DOCK1: variants seen among roughly 807,000 people sequenced by gnomAD.
The protein encoded by DOCK1 is dedicator of cytokinesis 1.
DOCK1 carries 138 observed loss-of-function variants against 262.7 expected under a neutral mutation model. The observed-to-expected ratio is 0.53, with a 90% confidence interval of 0.46 to 0.61. The LOEUF (loss-of-function observed/expected upper bound fraction) is 0.61, where lower values mean the gene tolerates loss of function less well. Ranked by LOEUF, DOCK1 falls within the 20% of genes least tolerant of loss-of-function variation. The pLI, the probability that DOCK1 is intolerant of heterozygous loss-of-function variation, is 0.00. For missense variants in DOCK1, 1,908 were observed against 2,370.7 expected (o/e 0.80, Z 4.05); for synonymous variants, 866 against 867.4 (o/e 1.00, Z 0.03).
chr10:127,353,688 C>A (rs551859725), intron 31 of DOCK1, among the ~76,000 whole-genome samples: 1 of 152,228 alleles, frequency 6.6e-6, no homozygotes, highest in East Asian at 1.9e-4. Context: ...TGGCCTCCCA[C>A]GCACCACAGC....
chr10:127,444,385 G>T (rs2275055), intron 50 of DOCK1, 106 bp downstream of exon 50: 486,939 of 1,346,180 alleles, frequency 0.36, 90,781 homozygotes, highest in East Asian at 0.41. Context: ...TGCAGCAGAG[G>T]GTGGGAGTTT....
chr10:127,092,040 G>A (rs2047566165), intron 23 of DOCK1, among the ~76,000 whole-genome samples: 4 of 152,166 alleles, frequency 2.6e-5, no homozygotes, highest in Admixed American at 2.6e-4. Context: ...ATAAAATACA[G>A]CTAAATGTTC....
intron 29 of DOCK1, among the ~76,000 whole-genome samples, chr10:127,323,324 A>G (rs2062617711): frequency 6.6e-6 from 1 of 152,110 alleles, no homozygotes; most frequent in Non-Finnish European, 1.5e-5. Context: ...GTCTTGCACC[A>G]TGCCTCCCTC....
At chr10:127,254,105 A>G (rs776204467) in intron 28 of DOCK1, among the ~76,000 whole-genome samples, 1 of 152,134 alleles carries the variant, frequency 6.6e-6, no homozygotes, top group African/African-American at 2.4e-5. Flanking sequence ...GAATTCAGCA[A>G]CAACCCCTCA....
At chr10:127,010,965 C>T (rs1479890425) in intron 11 of DOCK1, among the ~76,000 whole-genome samples, 1 of 152,140 alleles carries the variant, frequency 6.6e-6, no homozygotes, top group Non-Finnish European at 1.5e-5. Flanking sequence ...CAAACCCAAC[C>T]TGAGGGATTG....
At chr10:127,028,779 G>A (rs1048334175) in intron 16 of DOCK1, among the ~76,000 whole-genome samples, 4 of 152,198 alleles carry the variant, frequency 2.6e-5, no homozygotes, top group Admixed American at 6.5e-5. Context: ...GGTATGATGT[G>A]AGCGGAGGGT....
Position 127,143,301 on chromosome 10 carries a change from C to T in DOCK1, c.2847+15537C>T, listed in dbSNP as rs560755663. ...CCTTTGTCTTTGGGGTCTCTAGCCT[C>T]GACAGGGCCATGTGGCTCGGTGGCC... is the stretch of plus-strand genomic sequence containing the variant. On this transcript the variant is annotated intron_variant, in intron 27 of 51. Coordinates refer to ENST00000623213, the MANE Select transcript of DOCK1 (RefSeq NM_001290223.2). 7.2e-5 allele frequency among the ~76,000 whole-genome samples: 11 copies of T among 152,284 alleles called. No homozygotes were observed. The East Asian group carries it at 1.9e-3, about 27-fold the overall frequency.
chr10:127,141,461 G>A (rs1482319829), intron 27 of DOCK1, among the ~76,000 whole-genome samples: 1 of 152,120 alleles, frequency 6.6e-6, no homozygotes, highest in Non-Finnish European at 1.5e-5. Flanking sequence ...CTAGCACTTT[G>A]GGAGGCCGAG....
intron 27 of DOCK1, among the ~76,000 whole-genome samples, chr10:127,200,114 CTT>C (rs1436730855): frequency 2.0e-5 from 3 of 152,206 alleles, no homozygotes; most frequent in Admixed American, 2.0e-4. Flanking sequence ...TTTCCCATGT[CTT>C]TGTTACACAA....
chr10:127,091,507 C>T (rs1465627730), intron 23 of DOCK1, among the ~76,000 whole-genome samples: 2 of 152,024 alleles, frequency 1.3e-5, no homozygotes, highest in Admixed American at 6.5e-5. Flanking sequence ...CTATCTTTCA[C>T]GTTTTCAGAT....
chr10:127,107,086 C>T (rs532798961), intron 24 of DOCK1, among the ~76,000 whole-genome samples: 1 of 152,294 alleles, frequency 6.6e-6, no homozygotes, highest in Non-Finnish European at 1.5e-5. Context: ...GCCTTCAAAG[C>T]ACTGGAATTA....
intron 35 of DOCK1, among the ~76,000 whole-genome samples, chr10:127,377,280 G>A (rs1226216826): frequency 1.3e-5 from 2 of 151,988 alleles, no homozygotes; most frequent in Non-Finnish European, 2.9e-5. Flanking sequence ...TCAATTTCCT[G>A]GTCAGTTTTT....
chr10:127,283,790 T>C (rs2061050659), intron 29 of DOCK1, among the ~76,000 whole-genome samples: 1 of 152,216 alleles, frequency 6.6e-6, no homozygotes. Context: ...ATCATTTTCA[T>C]AAATTTAGGT....
intron 27 of DOCK1, among the ~76,000 whole-genome samples, chr10:127,222,225 A>G (rs538414423): frequency 6.6e-6 from 1 of 152,328 alleles, no homozygotes; most frequent in African/African-American, 2.4e-5. Context: ...TCATGCCAGC[A>G]TTTCCAGCAT....
At chr10:126,982,449 T>C (rs2039054939) in intron 4 of DOCK1, among the ~76,000 whole-genome samples, 2 of 152,034 alleles carry the variant, frequency 1.3e-5, no homozygotes, top group Admixed American at 6.6e-5. Context: ...ATAAAACTGA[T>C]GTATAAGATC....
intron 1 of DOCK1, among the ~76,000 whole-genome samples, chr10:126,966,536 C>A (rs1014173655): frequency 2.0e-5 from 3 of 152,118 alleles, no homozygotes; most frequent in African/African-American, 7.2e-5. Flanking sequence ...TATCTCTGCA[C>A]CTCACTGGCA....
intron 1 of DOCK1, among the ~76,000 whole-genome samples, chr10:126,946,213 A>G (rs1423162322): frequency 6.6e-6 from 1 of 152,224 alleles, no homozygotes; most frequent in Admixed American, 6.5e-5. Context: ...TCTGTTTCCA[A>G]GACTTTCACC....
intron 3 of DOCK1, 103 bp from the exon 4 acceptor site, chr10:126,981,815 G>C (rs369910102): frequency 8.9e-7 from 1 of 1,123,300 alleles, no homozygotes; most frequent in South Asian, 1.5e-5. Context: ...AATTAAGAGC[G>C]ATCTAGCCAC....
intron 1 of DOCK1, among the ~76,000 whole-genome samples, chr10:126,915,834 C>A (rs76747063): frequency 0.036 from 5,504 of 152,226 alleles, 130 homozygotes; most frequent in Non-Finnish European, 0.05. Flanking sequence ...AGGCCCCTTT[C>A]CTGTGCTGTT....
Sources: allele counts gnomAD v4.1 joint callset (sites outside exome capture counted in the v4.1 genomes callset), GRCh38; gene constraint gnomAD v4.1.1; transcripts MANE v1.5; gene names NCBI Gene and HGNC (gene_info 2026-07-23, HGNC 2026-07-21).